Variants in GALK2 observed in about 807,000 individuals in gnomAD.
GALK2 encodes galactokinase 2, also known as N-acetylgalactosamine kinase.
A neutral mutation model predicts 52.4 loss-of-function variants in GALK2; 36 were observed. The observed-to-expected ratio is 0.69, with a 90% CI of 0.53 to 0.91. The LOEUF (loss-of-function observed/expected upper bound fraction) is 0.91, where lower values mean the gene tolerates loss of function less well. GALK2 is among the 40% of genes least tolerant of loss of function. GALK2 has a pLI of 0.00. For synonymous variants in GALK2, 176 were observed against 199.1 expected, an observed-to-expected ratio of 0.88 and a Z score of 0.98; for missense variants, 579 against 559.1, an observed-to-expected ratio of 1.04 and a Z score of -0.36.
In GALK2 at chr15:49,327,975, G is replaced by GACTT. The variant is rs2037824760; in HGVS notation, c.1197_1200dup (p.Gly401TyrfsTer34). On this transcript the variant is annotated frameshift_variant, in exon 10 of 10. Coordinates refer to ENST00000560031, the MANE Select transcript of GALK2 (RefSeq NM_002044.4). LOFTEE classifies it high-confidence loss of function. ...AGGAAGTTTGGGGCTCAAGGGTCAC[G>GACTT]ACTTACTGGAGCAGGATGGGGAGGC... The GACTT allele has an allele frequency of 3.7e-6, 6 of 1,613,378 alleles. No homozygotes were observed. The highest frequency in any genetic ancestry group is 2.5e-6 in the Non-Finnish European group (3 of 1,179,512).
intron 1 of GALK2, chr15:49,156,884 C>T: frequency 5.5e-6 from 3 of 542,354 alleles, no homozygotes; most frequent in Admixed American, 2.8e-5. Flanking sequence ...GTGTACTCCT[C>T]ATCCCTCATC....
intron 8 of GALK2, among the ~76,000 whole-genome samples, chr15:49,316,505 A>T (rs1206869869): frequency 2.6e-5 from 4 of 152,028 alleles, no homozygotes. Context: ...TAGGAGATAT[A>T]CCTAATGTAA....
At chr15:49,225,085 G>T in intron 3 of GALK2, 2 of 369,646 alleles carry the variant, frequency 5.4e-6, no homozygotes, top group Non-Finnish European at 1.1e-5. Context: ...CAGTGCATTT[G>T]CAGTAGTGGT....
chr15:49,288,509 A>G (rs1180629530), intron 7 of GALK2, among the ~76,000 whole-genome samples: 1 of 152,194 alleles, frequency 6.6e-6, no homozygotes, highest in East Asian at 1.9e-4. Flanking sequence ...TGGGAGGAGA[A>G]GTTGGCATAA....
chr15:49,275,360 T>C (rs2031484517), intron 5 of GALK2, among the ~76,000 whole-genome samples: 1 of 152,214 alleles, frequency 6.6e-6, no homozygotes, highest in Non-Finnish European at 1.5e-5. Flanking sequence ...ACTCCAGGTT[T>C]ACATTTTCTT....
In GALK2 at chr15:49,328,333, C is replaced by T. The variant is rs554876731; in HGVS notation, c.*174C>T. On this transcript the variant is annotated 3_prime_UTR_variant, in exon 10 of 10. Transcript: ENST00000560031. The stretch of plus-strand genomic sequence containing the variant: ...AAGCTCTCTATGCTTCATAATGATT[C>T]TTTTTCCATCTTAAAATATGGTTTT... 7.0e-7 allele frequency: 1 copy of T among 1,429,164 alleles called. No individual in the cohort carries two copies. The highest frequency in any genetic ancestry group is 9.1e-7 in the Non-Finnish European group (1 of 1,095,682). 88.5% of individuals were successfully genotyped at this position (1,429,164 alleles called of 1,614,324 possible).
At chr15:49,287,725 T>A (rs181745366) in intron 7 of GALK2, among the ~76,000 whole-genome samples, 80 of 152,314 alleles carry the variant, frequency 5.3e-4, no homozygotes, top group African/African-American at 1.9e-3. Context: ...AAAATGAGAC[T>A]GAGACTGATC....
chr15:49,367,150 C>T (rs961980752), intron 3 of GALK2, among the ~76,000 whole-genome samples: 2 of 152,142 alleles, frequency 1.3e-5, no homozygotes, highest in Non-Finnish European at 2.9e-5. Context: ...TGAAACCAGT[C>T]ACTGAACAGT....
intron 3 of GALK2, among the ~76,000 whole-genome samples, chr15:49,352,563 G>A (rs1212184569): frequency 1.3e-5 from 2 of 152,130 alleles, no homozygotes; most frequent in African/African-American, 4.8e-5. Context: ...AGGCTTCAGA[G>A]CGCCTACCAT....
At chr15:49,191,071 A>G (rs2086689557) in intron 1 of GALK2, among the ~76,000 whole-genome samples, 1 of 152,202 alleles carries the variant, frequency 6.6e-6, no homozygotes, top group Non-Finnish European at 1.5e-5. Context: ...ATAAAATAGA[A>G]TAAGTGTTCC....
At chr15:49,158,762 G>A (rs535435665) in intron 1 of GALK2, 13 of 152,214 alleles carry the variant, frequency 8.5e-5, no homozygotes, top group Admixed American at 4.6e-4. Context: ...CTCCACAAAT[G>A]GTTATGTAGT....
intron 3 of GALK2, among the ~76,000 whole-genome samples, chr15:49,346,062 T>TA (rs202094725): frequency 0.017 from 2,553 of 151,660 alleles, 33 homozygotes; most frequent in South Asian, 0.031. Context: ...TTTTTTTTTT[T>TA]TTTCCTTTTT....
At chr15:49,228,687 A>ATATATATATATACGTATATTT (rs1555409061) in intron 3 of GALK2, among the ~76,000 whole-genome samples, 1 of 14,274 alleles carries the variant, frequency 7.0e-5, no homozygotes, top group Non-Finnish European at 1.2e-4. Context: ...ATATATATAT[A>ATATATATATATACGTATATTT]TTTTTTTTTT....
chr15:49,223,695 C>T (rs1417360630), intron 3 of GALK2, among the ~76,000 whole-genome samples: 1 of 152,164 alleles, frequency 6.6e-6, no homozygotes, highest in Non-Finnish European at 1.5e-5. Flanking sequence ...CCAGCTGCAT[C>T]CATGTTGTCG....
chr15:49,305,422 G>T lies in GALK2; in HGVS notation c.967+12885G>T, dbSNP rs1228782329. Among the ~76,000 whole-genome samples the T allele has an allele frequency of 3.9e-5, 6 of 152,210 alleles. No homozygotes were observed. In the East Asian group the frequency reaches 1.2e-3, roughly 29 times the overall value. On this transcript the variant is annotated intron_variant, in intron 8 of 9. Transcript: ENST00000560031. ...AAATGTTTGAGGAAGATGGTTTCTTGTTTTGTCTTTAGAAAGGATTAGAAT... is the reference window on the plus strand; with the variant it reads ...AAATGTTTGAGGAAGATGGTTTCTTTTTTTGTCTTTAGAAAGGATTAGAAT...
intron 3 of GALK2, among the ~76,000 whole-genome samples, chr15:49,228,672 T>TAC (rs2090287713): frequency 8.3e-5 from 1 of 11,978 alleles, no homozygotes; most frequent in Non-Finnish European, 1.9e-4. Flanking sequence ...TATATATATA[T>TAC]ATATATATAT....
At chr15:49,273,353 T>A (rs2031060210) in intron 5 of GALK2, among the ~76,000 whole-genome samples, 1 of 152,192 alleles carries the variant, frequency 6.6e-6, no homozygotes, top group Non-Finnish European at 1.5e-5. Flanking sequence ...CTTTCCTGTA[T>A]TATTTACAGG....
At chr15:49,357,427 C>G (rs2043355040) in intron 3 of GALK2, among the ~76,000 whole-genome samples, 1 of 151,270 alleles carries the variant, frequency 6.6e-6, no homozygotes, top group Non-Finnish European at 1.5e-5. Context: ...CACAGAAATA[C>G]AAACTACCAT....
intron 3 of GALK2, among the ~76,000 whole-genome samples, chr15:49,351,157 A>G (rs1216437428): frequency 1.3e-5 from 2 of 152,158 alleles, no homozygotes; most frequent in East Asian, 1.9e-4. Flanking sequence ...ATTTGAATTC[A>G]GGTAGTAGAG....
Sources: gnomAD v4.1 joint callset for allele counts (sites outside exome capture counted in the v4.1 genomes callset) on GRCh38, gnomAD v4.1.1 for gene constraint, MANE v1.5 for transcripts, NCBI Gene and HGNC (gene_info 2026-07-23, HGNC 2026-07-21) for gene names.